LRRTM3: variants seen among roughly 807,000 people sequenced by gnomAD.
LRRTM3 encodes the protein leucine rich repeat transmembrane neuronal 3.
In LRRTM3, 24 loss-of-function variants were observed where a neutral mutation model predicts 44.7. That is an observed-to-expected ratio of 0.54 (90% CI 0.39 to 0.76). LRRTM3 has a LOEUF of 0.76. Ranked by LOEUF, LRRTM3 falls within the 30% of genes least tolerant of loss-of-function variation. The pLI is 0.00. For synonymous variants in LRRTM3, 277 were observed against 278.7 expected, an observed-to-expected ratio of 0.99 and a Z score of 0.06; for missense variants, 587 against 702.2, an observed-to-expected ratio of 0.84 and a Z score of 1.85.
At chr10:66,938,481 ATATT>A (rs1159191329) in intron 2 of LRRTM3, among the ~76,000 whole-genome samples, 1 of 152,196 alleles carries the variant, frequency 6.6e-6, no homozygotes, top group Non-Finnish European at 1.5e-5. Context: ...AAAAGAAAAT[ATATT>A]TATTATTCAT....
chr10:67,038,972 T>C (rs1397782311), intron 2 of LRRTM3, among the ~76,000 whole-genome samples: 3 of 152,108 alleles, frequency 2.0e-5, no homozygotes, highest in Non-Finnish European at 4.4e-5. Flanking sequence ...ATGATAGATA[T>C]TAATTTTTCA....
At chr10:66,949,513 G>A (rs749771390) in intron 2 of LRRTM3, among the ~76,000 whole-genome samples, 4 of 151,516 alleles carry the variant, frequency 2.6e-5, no homozygotes, top group African/African-American at 7.3e-5. Flanking sequence ...AGCCAAGATC[G>A]CGCCATTGGA....
chr10:67,085,435 A>G (rs887465751), intron 2 of LRRTM3, among the ~76,000 whole-genome samples: 1 of 151,962 alleles, frequency 6.6e-6, no homozygotes, highest in African/African-American at 2.4e-5. Context: ...CATAGGTAAG[A>G]CACTGAGAAG....
intron 2 of LRRTM3, among the ~76,000 whole-genome samples, chr10:66,948,984 T>G (rs1421508373): frequency 2.0e-5 from 3 of 152,220 alleles, no homozygotes; most frequent in Non-Finnish European, 4.4e-5. Context: ...TGTTATTTTT[T>G]TCTTTGCTGT....
intron 2 of LRRTM3, among the ~76,000 whole-genome samples, chr10:67,027,718 C>T (rs749346769): frequency 1.4e-4 from 21 of 152,008 alleles, no homozygotes; most frequent in Admixed American, 1.3e-4. Context: ...CATGAGCCAC[C>T]GTGCCCGGCT....
At chr10:66,976,749 A>C (rs189949439) in intron 2 of LRRTM3, among the ~76,000 whole-genome samples, 1 of 152,152 alleles carries the variant, frequency 6.6e-6, no homozygotes, top group Non-Finnish European at 1.5e-5. Flanking sequence ...TTTTCTCATT[A>C]TTCATTTCAT....
chr10:66,947,927 A>G, intron 2 of LRRTM3, among the ~76,000 whole-genome samples: 1 of 152,208 alleles, frequency 6.6e-6, no homozygotes, highest in East Asian at 1.9e-4. Context: ...AACCTAGATG[A>G]CAGTCTACTA....
At chr10:66,994,747 T>G (rs897624217) in intron 2 of LRRTM3, among the ~76,000 whole-genome samples, 2 of 152,250 alleles carry the variant, frequency 1.3e-5, no homozygotes, top group African/African-American at 4.8e-5. Context: ...TTCAATACTA[T>G]TTATAGAATA....
At chr10:66,967,985 G>A (rs1411400464) in intron 2 of LRRTM3, among the ~76,000 whole-genome samples, 1 of 152,000 alleles carries the variant, frequency 6.6e-6, no homozygotes, top group Non-Finnish European at 1.5e-5. Context: ...TACTGAATTG[G>A]ATTTGTCCTC....
rs187868415 is a variant in LRRTM3 at position 67,079,678 on chromosome 10, T to A, written c.1537-17909T>A. Among the ~76,000 whole-genome samples, 162 of 151,894 alleles carry A rather than the reference T, an allele frequency of 1.1e-3. 2 individuals carry two copies. The East Asian group carries it at 0.021, about 20-fold the overall frequency. Reference sequence around the variant, plus strand: ...GCCTGGCCAATATAGTGAAACCCCATCTCTACTAAAAATGCAAAAACTAGC... The same window carrying A: ...GCCTGGCCAATATAGTGAAACCCCAACTCTACTAAAAATGCAAAAACTAGC... On this transcript the variant is annotated intron_variant, in intron 2 of 2. Coordinates refer to ENST00000361320, the MANE Select transcript of LRRTM3 (RefSeq NM_178011.5).
intron 2 of LRRTM3, among the ~76,000 whole-genome samples, chr10:66,932,228 A>G (rs1046791395): frequency 2.6e-4 from 39 of 152,322 alleles, no homozygotes; most frequent in African/African-American, 8.9e-4. Flanking sequence ...GGGGAAGGAT[A>G]ATGCAGAGTC....
At chr10:66,936,968 C>T (rs71493806) in intron 2 of LRRTM3, among the ~76,000 whole-genome samples, 6,466 of 152,228 alleles carry the variant, frequency 0.042, 175 homozygotes, top group Middle Eastern at 0.085. Flanking sequence ...CTTTGTAAAG[C>T]ACTCTGAAAT....
At chr10:66,928,492 G>A (rs1204870750) in intron 2 of LRRTM3, 40 bp downstream of exon 2, 1 of 1,529,838 alleles carries the variant, frequency 6.5e-7, no homozygotes, top group East Asian at 2.3e-5. Flanking sequence ...TAAAAGCTGG[G>A]AAATAAGTGG....
At chr10:67,061,172 CT>C (rs1855735667) in intron 2 of LRRTM3, among the ~76,000 whole-genome samples, 1 of 152,150 alleles carries the variant, frequency 6.6e-6, no homozygotes, top group Non-Finnish European at 1.5e-5. Flanking sequence ...TATCACCTTG[CT>C]TCCTCTATGA....
At chr10:66,969,352 G>A (rs1192232868) in intron 2 of LRRTM3, among the ~76,000 whole-genome samples, 1 of 151,956 alleles carries the variant, frequency 6.6e-6, no homozygotes, top group Non-Finnish European at 1.5e-5. Flanking sequence ...AAAATCATGA[G>A]TTTTAATGGC....
chr10:67,075,165 T>C (rs1856680536), intron 2 of LRRTM3, among the ~76,000 whole-genome samples: 1 of 78,590 alleles, frequency 1.3e-5, no homozygotes, highest in African/African-American at 7.1e-5. Flanking sequence ...CTTCTAAGGA[T>C]TTCTGCACAC....
intron 2 of LRRTM3, among the ~76,000 whole-genome samples, chr10:66,971,152 G>C (rs1159841046): frequency 1.3e-5 from 2 of 152,124 alleles, no homozygotes; most frequent in African/African-American, 4.8e-5. Flanking sequence ...AAAAGGCTGG[G>C]TGTGGTGGCT....
intron 2 of LRRTM3, among the ~76,000 whole-genome samples, chr10:67,095,577 C>G (rs1383698461): frequency 2.0e-5 from 3 of 151,762 alleles, no homozygotes; most frequent in African/African-American, 7.2e-5. Flanking sequence ...CACACACACA[C>G]AGAATAAATG....
At position 67,017,757 on chromosome 10, in the gene LRRTM3, G is replaced by A. The variant is rs530372025; in HGVS notation, c.1537-79830G>A. Among the ~76,000 whole-genome samples, 866 of 151,736 alleles carry A rather than the reference G, an allele frequency of 5.7e-3. 7 individuals carry two copies. Among genetic ancestry groups the A allele is most frequent in the Middle Eastern group, 0.017 (5 of 294 alleles). ...TGTGTGTGTGTGTGTGTGTGTGCGC[G>A]CGTACAATTTTATGTGTACAATTTT... On this transcript the variant is annotated intron_variant, in intron 2 of 2. Coordinates refer to ENST00000361320, the MANE Select transcript of LRRTM3 (RefSeq NM_178011.5).
Sources: gnomAD v4.1 joint callset for allele counts (sites outside exome capture counted in the v4.1 genomes callset) on GRCh38, gnomAD v4.1.1 for gene constraint, MANE v1.5 for transcripts, NCBI Gene and HGNC (gene_info 2026-07-23, HGNC 2026-07-21) for gene names.